Variants in KLRD1 observed in about 807,000 individuals in gnomAD.
KLRD1 encodes the protein natural killer cells antigen CD94.
KLRD1 carries 21 observed loss-of-function variants against 22.6 expected under a neutral mutation model. The observed-to-expected ratio is 0.93, with a 90% confidence interval of 0.66 to 1.34. The LOEUF is 1.34. KLRD1 is among the 40% of genes most tolerant of loss of function. KLRD1 has a pLI of 0.00. For missense variants in KLRD1, 183 were observed against 208.6 expected (o/e 0.88, Z 0.76); for synonymous variants, 59 against 71.1 (o/e 0.83, Z 0.85).
chr12:10,244,480 A>T (rs904587764), intron 1 of KLRD1, among the ~76,000 whole-genome samples: 2 of 152,188 alleles, frequency 1.3e-5, no homozygotes, highest in Non-Finnish European at 2.9e-5. Context: ...CAATAAACTC[A>T]GTTATTGTTA....
chr12:10,245,719 ACAGT>A (rs1949284509), intron 1 of KLRD1, among the ~76,000 whole-genome samples: 2 of 152,228 alleles, frequency 1.3e-5, no homozygotes, highest in South Asian at 4.1e-4. Flanking sequence ...AACTTCCATG[ACAGT>A]CAAAGTACTT....
At chr12:10,239,990 A>G (rs1229119991) in intron 1 of KLRD1, among the ~76,000 whole-genome samples, 2 of 152,040 alleles carry the variant, frequency 1.3e-5, no homozygotes, top group African/African-American at 2.4e-5. Flanking sequence ...GTTTCACCAT[A>G]GTAATCTGCT....
chr12:10,245,858 C>T (rs1297608594), intron 1 of KLRD1, among the ~76,000 whole-genome samples: 1 of 152,148 alleles, frequency 6.6e-6, no homozygotes, highest in African/African-American at 2.4e-5. Flanking sequence ...CTTACCCTGT[C>T]ACCCAGGTTG....
chr12:10,244,404 T>C (rs1290998389), intron 1 of KLRD1, among the ~76,000 whole-genome samples: 1 of 152,092 alleles, frequency 6.6e-6, no homozygotes, highest in Admixed American at 6.5e-5. Context: ...TTTCAGTCAG[T>C]GTCTGGGGTA....
rs7970236 is a variant in KLRD1 at position 10,292,774 on chromosome 12, A to G, written c.-100-15204A>G. On this transcript the variant is annotated intron_variant, in intron 1 of 5. Coordinates refer to the KLRD1 transcript ENST00000544747. Reference sequence around the variant, plus strand: ...ACAAGAGAGCCAGCCTGTCCTTTGAAGCTTTGAAGCAAGACACTGACTTTT... The same window carrying G: ...ACAAGAGAGCCAGCCTGTCCTTTGAGGCTTTGAAGCAAGACACTGACTTTT... 7.3e-3 allele frequency among the ~76,000 whole-genome samples: 1,117 copies of G among 152,234 alleles called. 16 individuals are homozygous for G. Among genetic ancestry groups the G allele is most frequent in the African/African-American group, 0.026 (1,068 of 41,554 alleles).
At position 10,328,576 on chromosome 12, in the gene KLRD1, A is replaced by C. The variant is rs1429408762; in HGVS notation, c.*13783A>C. 1.3e-5 allele frequency: 2 copies of C among 152,016 alleles called. No homozygotes were observed. The highest frequency in any genetic ancestry group is 2.9e-5 in the Non-Finnish European group (2 of 67,978). The allele number at this position is 152,016 out of a possible 1,614,324, so 9.4% of individuals were successfully genotyped here. Reference sequence around the variant, plus strand: ...TAGCTAAAGGTTTGTCAAGTTATTTATATTTTCCAAAAACTAACTCTTAGT... The same window carrying C: ...TAGCTAAAGGTTTGTCAAGTTATTTCTATTTTCCAAAAACTAACTCTTAGT... On this transcript the variant is annotated 3_prime_UTR_variant, in exon 6 of 6. Coordinates refer to ENST00000336164, the MANE Select transcript of KLRD1 (RefSeq NM_002262.5).
chr12:10,276,165 TA>T (rs1342558727), intron 1 of KLRD1, among the ~76,000 whole-genome samples: 1 of 152,222 alleles, frequency 6.6e-6, no homozygotes, highest in African/African-American at 2.4e-5. Flanking sequence ...TTACTTACTC[TA>T]CCTTTGATGG....
intron 1 of KLRD1, among the ~76,000 whole-genome samples, chr12:10,292,637 C>T (rs4764378): frequency 0.98 from 148,887 of 152,290 alleles, 72,864 homozygotes; most frequent in East Asian, 1. Flanking sequence ...GACTTTGTTG[C>T]TCTATATAGA....
Position 10,317,877 on chromosome 12 carries a change from T to C in KLRD1, c.*3084T>C, listed in dbSNP as rs1359236785. ...AGAAGGGAAAGCAAACACATCCCTC[T>C]ACGCATGGCAGCAGAAAGGAGACGT... On this transcript the variant is annotated 3_prime_UTR_variant, in exon 6 of 6. Coordinates refer to ENST00000336164, the MANE Select transcript of KLRD1 (RefSeq NM_002262.5). The C allele has an allele frequency of 1.3e-5, 2 of 152,220 alleles. No individual in the cohort carries two copies. 9.4% of individuals were successfully genotyped at this position (152,220 alleles called of 1,614,324 possible).
At chr12:10,240,077 T>C (rs943629260) in intron 1 of KLRD1, among the ~76,000 whole-genome samples, 1 of 151,864 alleles carries the variant, frequency 6.6e-6, no homozygotes, top group African/African-American at 2.4e-5. Flanking sequence ...TTTTTTTTTT[T>C]GGAGACAGGT....
At chr12:10,260,450 G>T (rs900607829) in intron 1 of KLRD1, among the ~76,000 whole-genome samples, 3 of 152,004 alleles carry the variant, frequency 2.0e-5, no homozygotes, top group Non-Finnish European at 4.4e-5. Context: ...TCTATCAGTT[G>T]TGGAAAATTC....
intron 1 of KLRD1, among the ~76,000 whole-genome samples, chr12:10,240,331 G>A (rs1298691899): frequency 6.6e-6 from 1 of 152,014 alleles, no homozygotes; most frequent in African/African-American, 2.4e-5. Context: ...AAAGTGCTGG[G>A]ATTACAGGCT....
chr12:10,260,767 C>T (rs2045877), intron 1 of KLRD1, among the ~76,000 whole-genome samples: 7,047 of 152,124 alleles, frequency 0.046, 235 homozygotes, highest in Non-Finnish European at 0.074. Flanking sequence ...GGTGAAACCC[C>T]GTCTCTACTA....
chr12:10,309,277 C>T (rs1174143506), intron 1 of KLRD1, 111 bp from the exon 2 acceptor site: 9 of 649,344 alleles, frequency 1.4e-5, no homozygotes, highest in East Asian at 7.7e-5. Flanking sequence ...AAGATGACTC[C>T]GTTATCAAAT....
At position 10,316,013 on chromosome 12, in the gene KLRD1, G is replaced by A. The variant is rs1950216051; in HGVS notation, c.*1220G>A. ...CACACCTGTAATCCCAGCTATTTGG[G>A]AGGCTGAGTCGAGAGGATCGCTTGA... On this transcript the variant is annotated 3_prime_UTR_variant, in exon 6 of 6. Transcript: ENST00000336164. 1 of 151,058 alleles carries A rather than the reference G, an allele frequency of 6.6e-6. No homozygotes were observed. The highest frequency in any genetic ancestry group is 1.5e-5 in the Non-Finnish European group (1 of 67,948). The allele number at this position is 151,058 out of a possible 1,614,324, so 9.4% of individuals were successfully genotyped here. A position where few individuals can be genotyped will look rare whatever the true frequency, so the allele number is the denominator to read the frequency against.
chr12:10,239,445 C>CCTTATT (rs1236370414), intron 1 of KLRD1, among the ~76,000 whole-genome samples: 5 of 38,818 alleles, frequency 1.3e-4, no homozygotes, highest in East Asian at 1.2e-3. Flanking sequence ...TTCCTTCCTT[C>CCTTATT]CTTCCTTCCT....
rs1950350437 is a variant in KLRD1 at position 10,325,261 on chromosome 12, T to G, written c.*10468T>G. On this transcript the variant is annotated 3_prime_UTR_variant, in exon 6 of 6. Transcript: ENST00000336164. ...ATTAAATGTTTTATTCTGCCTCGAT[T>G]GAAATCAGATAGTTTTTATTTCCCA... is the stretch of plus-strand genomic sequence containing the variant. 6.6e-6 allele frequency: 1 copy of G among 152,162 alleles called. No individual in the cohort carries two copies. The highest frequency in any genetic ancestry group is 2.4e-5 in the African/African-American group (1 of 41,456). The allele number at this position is 152,162 out of a possible 1,614,324, so 9.4% of individuals were successfully genotyped here.
intron 1 of KLRD1, among the ~76,000 whole-genome samples, chr12:10,281,025 G>A (rs1193181989): frequency 6.6e-6 from 1 of 152,182 alleles, no homozygotes. Context: ...AGCTGTGAAT[G>A]CTACCTTATA....
At chr12:10,282,342 C>T (rs892893760) in intron 1 of KLRD1, among the ~76,000 whole-genome samples, 7 of 151,786 alleles carry the variant, frequency 4.6e-5, no homozygotes, top group Non-Finnish European at 7.4e-5. Context: ...CCACAACCTC[C>T]GCCTCCCGGC....
Sources: gnomAD v4.1 joint callset for allele counts (sites outside exome capture counted in the v4.1 genomes callset) on GRCh38, gnomAD v4.1.1 for gene constraint, MANE v1.5 for transcripts, NCBI Gene and HGNC (gene_info 2026-07-23, HGNC 2026-07-21) for gene names.